TSGA10: variants seen among roughly 807,000 people sequenced by gnomAD.
The protein encoded by TSGA10 is testis-specific gene 10 protein.
A neutral mutation model predicts 96.6 loss-of-function variants in TSGA10; 43 were observed. The ratio of observed to expected loss-of-function variants is 0.44; its 90% CI spans 0.35 to 0.57. The LOEUF (loss-of-function observed/expected upper bound fraction) is 0.57. Among genes scored for constraint, TSGA10 ranks in the 20% least tolerant of loss-of-function variants. The probability of loss-of-function intolerance (pLI) is 0.01; values close to 1 mark genes in which losing one functional copy is unlikely to be tolerated. For synonymous variants in TSGA10, 229 were observed against 269.9 expected (o/e 0.85, Z 1.48); for missense variants, 703 against 834.4 (o/e 0.84, Z 1.94).
rs962215563 is a variant in TSGA10 at position 99,117,548 on chromosome 2, G to A, written c.-144C>T. The A allele has an allele frequency of 2.0e-6, 2 of 985,412 alleles. No homozygotes were observed. Among genetic ancestry groups the A allele is most frequent in the Non-Finnish European group, 2.4e-6 (2 of 829,752 alleles). 61.0% of individuals were successfully genotyped at this position (985,412 alleles called of 1,614,324 possible). On this transcript the variant is annotated 5_prime_UTR_variant, in exon 4 of 21. Coordinates refer to ENST00000393483, the MANE Select transcript of TSGA10 (RefSeq NM_025244.4). ...TATCCGTGGTAAATCTGGTACCTTG[G>A]CTTCTTCAAGTTCCTTGTTGGCGGA...
rs760694866 is a variant in TSGA10 at position 99,109,370 on chromosome 2, G to A, written c.51+19C>T. The A allele has an allele frequency of 6.2e-7, 1 of 1,612,492 alleles. No homozygotes were observed. Among genetic ancestry groups the A allele is most frequent in the Non-Finnish European group, 8.5e-7 (1 of 1,178,574 alleles). On this transcript the variant is annotated intron_variant, in intron 6 of 20. Coordinates refer to ENST00000393483, the MANE Select transcript of TSGA10 (RefSeq NM_025244.4). ...CTGGGCAACAAACTCCAAAATATTT[G>A]TAAGTTTATAAAACCTACCCGGGCA... is the stretch of plus-strand genomic sequence containing the variant.
At chr2:99,062,434 G>T (rs1328113781) in intron 16 of TSGA10, among the ~76,000 whole-genome samples, 1 of 152,102 alleles carries the variant, frequency 6.6e-6, no homozygotes, top group Non-Finnish European at 1.5e-5. Flanking sequence ...CTGCACATTG[G>T]AAAGTTTTTT....
At chr2:99,018,753 G>A in intron 18 of TSGA10, 113 bp from the exon 19 acceptor site, 1 of 894,858 alleles carries the variant, frequency 1.1e-6, no homozygotes, top group Non-Finnish European at 1.6e-6. Flanking sequence ...AAATCACATT[G>A]TGATTTTTAT....
intron 10 of TSGA10, among the ~76,000 whole-genome samples, chr2:99,097,848 C>G (rs1559005529): frequency 6.6e-6 from 1 of 151,986 alleles, no homozygotes; most frequent in Non-Finnish European, 1.5e-5. Flanking sequence ...GAAAGGTTGA[C>G]AGCAAAAGAA....
intron 13 of TSGA10, among the ~76,000 whole-genome samples, 165 bp from the exon 14 acceptor site, chr2:99,072,039 T>C (rs2086035646): frequency 6.6e-6 from 1 of 152,190 alleles, no homozygotes; most frequent in South Asian, 2.1e-4. Context: ...GCATTAGAGT[T>C]TCTCAATGTT....
chr2:99,060,238 T>C (rs908181881), intron 16 of TSGA10, among the ~76,000 whole-genome samples: 6 of 152,216 alleles, frequency 3.9e-5, no homozygotes, highest in African/African-American at 7.2e-5. Flanking sequence ...CAAAATTCTA[T>C]TCTACTTTTG....
chr2:99,040,104 AT>A (rs778631728), intron 16 of TSGA10, among the ~76,000 whole-genome samples: 39 of 152,320 alleles, frequency 2.6e-4, no homozygotes, highest in Non-Finnish European at 4.7e-4. Context: ...CAAAATCAGC[AT>A]AGAAGGGACA....
chr2:99,063,210 C>T (rs6750876), intron 16 of TSGA10, among the ~76,000 whole-genome samples: 66,005 of 151,984 alleles, frequency 0.43, 16,995 homozygotes, highest in African/African-American at 0.72. Flanking sequence ...CAATCTCAAG[C>T]AGGTTAAAGT....
In TSGA10 at chr2:98,997,464, TA is replaced by T. The variant is rs2077564369; in HGVS notation, c.*732del. ...GATTACAGACAGCTGCCACAGACAATAAAATAAAATCGCAATTAAGTTGATT... is the reference window on the plus strand; with the variant it reads ...GATTACAGACAGCTGCCACAGACAATAAATAAAATCGCAATTAAGTTGATT... On this transcript the variant is annotated 3_prime_UTR_variant, in exon 21 of 21. Transcript: ENST00000393483. The T allele has an allele frequency of 6.6e-6, 1 of 151,794 alleles. No homozygotes were observed. The highest frequency in any genetic ancestry group is 1.5e-5 in the Non-Finnish European group (1 of 67,886). 9.4% of individuals were successfully genotyped at this position (151,794 alleles called of 1,614,324 possible). A position where few individuals can be genotyped will look rare whatever the true frequency, so the allele number is the denominator to read the frequency against.
chr2:99,004,954 G>A (rs1048530415), intron 20 of TSGA10, among the ~76,000 whole-genome samples: 2 of 152,106 alleles, frequency 1.3e-5, no homozygotes, highest in Non-Finnish European at 2.9e-5. Flanking sequence ...ATCATCAAGT[G>A]GGCTTCATCC....
chr2:99,012,815 T>C (rs1367060277), intron 20 of TSGA10, among the ~76,000 whole-genome samples: 3 of 152,156 alleles, frequency 2.0e-5, no homozygotes, highest in African/African-American at 7.2e-5. Context: ...AACTATACCC[T>C]AGAACAAACG....
At chr2:99,015,944 C>T (rs2079481097) in intron 20 of TSGA10, among the ~76,000 whole-genome samples, 1 of 152,028 alleles carries the variant, frequency 6.6e-6, no homozygotes, top group Non-Finnish European at 1.5e-5. Flanking sequence ...AGGAATATAC[C>T]TAATCAAGGT....
intron 10 of TSGA10, among the ~76,000 whole-genome samples, chr2:99,091,913 C>T (rs553179605): frequency 6.6e-6 from 1 of 152,064 alleles, no homozygotes; most frequent in Non-Finnish European, 1.5e-5. Context: ...TACCCTAGTA[C>T]AGGACTATAC....
chr2:99,112,469 A>C (rs2091899072), intron 4 of TSGA10, among the ~76,000 whole-genome samples: 1 of 152,148 alleles, frequency 6.6e-6, no homozygotes. Flanking sequence ...CTAGAAAAAG[A>C]AGAGCAGAGT....
chr2:99,136,593 C>T (rs1360338139), intron 1 of TSGA10, among the ~76,000 whole-genome samples: 1 of 29,194 alleles, frequency 3.4e-5, no homozygotes, highest in African/African-American at 7.3e-5. Context: ...GTCAGGAGAT[C>T]GAGACCATCC....
intron 20 of TSGA10, among the ~76,000 whole-genome samples, chr2:99,000,641 T>C (rs2077810444): frequency 6.6e-6 from 1 of 152,094 alleles, no homozygotes; most frequent in Admixed American, 6.5e-5. Flanking sequence ...CAGGTTCATC[T>C]CACTGGGACT....
chr2:99,147,190 G>A, intron 1 of TSGA10: 1 of 377,402 alleles, frequency 2.6e-6, no homozygotes, highest in East Asian at 3.9e-5. Flanking sequence ...TGATAGGGAT[G>A]AGGTCTCCCT....
intron 1 of TSGA10, chr2:99,141,237 C>G (rs2093537814): frequency 2.1e-6 from 2 of 971,174 alleles, no homozygotes; most frequent in African/African-American, 1.8e-5. Context: ...CCCAAATCGT[C>G]CTGGCCCCGC....
intron 20 of TSGA10, among the ~76,000 whole-genome samples, chr2:99,013,320 T>C (rs1472997929): frequency 6.6e-6 from 1 of 152,042 alleles, no homozygotes; most frequent in African/African-American, 2.4e-5. Flanking sequence ...ATGATGATGA[T>C]GACAATAATA....
Sources: gnomAD v4.1 joint callset for allele counts (sites outside exome capture counted in the v4.1 genomes callset) on GRCh38, gnomAD v4.1.1 for gene constraint, MANE v1.5 for transcripts, NCBI Gene and HGNC (gene_info 2026-07-23, HGNC 2026-07-21) for gene names.